PTPRG: variants seen among roughly 807,000 people sequenced by gnomAD.
The protein encoded by PTPRG is protein tyrosine phosphatase receptor type G, also known as receptor-type tyrosine-protein phosphatase gamma.
PTPRG carries 102 observed loss-of-function variants against 165.3 expected under a neutral mutation model. The observed-to-expected ratio is 0.62, with a 90% CI of 0.53 to 0.73. PTPRG has a LOEUF of 0.73. PTPRG is among the 30% of genes least tolerant of loss of function. PTPRG has a pLI of 0.00. For missense variants in PTPRG, 1,866 were observed against 1,861.4 expected (o/e 1.00, Z -0.05); for synonymous variants, 675 against 669.5 (o/e 1.01, Z -0.13).
intron 2 of PTPRG, among the ~76,000 whole-genome samples, chr3:61,854,553 T>C (rs953250856): frequency 6.6e-6 from 1 of 152,198 alleles, no homozygotes; most frequent in Non-Finnish European, 1.5e-5. Context: ...TATGAATACA[T>C]GCTTTTTAAA....
rs1336936899 is a variant in PTPRG, at chr3:62,213,171, G to A, written c.2156-5680G>A. ...CTCCTGACAGAGGGGAGCATCTAGTGTTACTAAACTGTCAGAATTGTTGTT... is the reference window on the plus strand; with the variant it reads ...CTCCTGACAGAGGGGAGCATCTAGTATTACTAAACTGTCAGAATTGTTGTT... On this transcript the variant is annotated intron_variant, in intron 12 of 29. Transcript: ENST00000474889. The surrounding 1 kb of genome is among the most constrained non-coding windows in gnomAD (Gnocchi z 4.4). Among the ~76,000 whole-genome samples, 1 of 152,164 alleles carries A rather than the reference G, an allele frequency of 6.6e-6. No homozygotes were observed. The highest frequency in any genetic ancestry group is 1.5e-5 in the Non-Finnish European group (1 of 68,026).
chr3:61,982,262 G>T (rs547206371), intron 2 of PTPRG, among the ~76,000 whole-genome samples: 1 of 152,290 alleles, frequency 6.6e-6, no homozygotes, highest in Admixed American at 6.5e-5. Context: ...AACTTTGTTA[G>T]TATCTCAGAT....
At chr3:61,678,444 C>T (rs1421233033) in intron 1 of PTPRG, among the ~76,000 whole-genome samples, 5 of 152,080 alleles carry the variant, frequency 3.3e-5, no homozygotes, top group Non-Finnish European at 4.4e-5. Context: ...TCGGAGGAGT[C>T]GGGTGGGGCT....
intron 1 of PTPRG, among the ~76,000 whole-genome samples, chr3:61,715,952 C>T (rs1269824972): frequency 6.6e-6 from 1 of 151,772 alleles, no homozygotes; most frequent in African/African-American, 2.4e-5. Flanking sequence ...AGTCAGTACT[C>T]ACTGCTTTGT....
At chr3:61,975,128 A>G (rs997039110) in intron 2 of PTPRG, among the ~76,000 whole-genome samples, 6 of 152,216 alleles carry the variant, frequency 3.9e-5, no homozygotes, top group Admixed American at 1.3e-4. Context: ...CAAATAAGGT[A>G]ATCTGTGGAC....
rs147877929 is a variant in PTPRG, at chr3:62,278,281, AT to A, written c.3765+611del. ...ATTGTATCAAAAGTACTAATAGTGAATTTTTTTTTCCCACTCCATAGGCAAG... is the reference window on the plus strand; with the variant it reads ...ATTGTATCAAAAGTACTAATAGTGAATTTTTTTTCCCACTCCATAGGCAAG... On this transcript the variant is annotated intron_variant, in intron 26 of 29. Coordinates refer to ENST00000474889, the MANE Select transcript of PTPRG (RefSeq NM_002841.4). Among the ~76,000 whole-genome samples, 5 of 150,030 alleles carry A rather than the reference AT, an allele frequency of 3.3e-5. No homozygotes were observed. In the East Asian group the frequency reaches 5.8e-4, roughly 17 times the overall value.
chr3:62,061,747 G>C (rs1479373934), intron 4 of PTPRG, among the ~76,000 whole-genome samples: 1 of 150,700 alleles, frequency 6.6e-6, no homozygotes, highest in Non-Finnish European at 1.5e-5. Flanking sequence ...TCCTGCCTCA[G>C]CCTCCTGGGT....
In PTPRG at chr3:62,228,320, A is replaced by G. The variant is rs1700812720; in HGVS notation, c.2289-2905A>G. Among the ~76,000 whole-genome samples, 1 of 152,160 alleles carries G rather than the reference A, an allele frequency of 6.6e-6. No individual in the cohort carries two copies. The highest frequency in any genetic ancestry group is 2.4e-5 in the African/African-American group (1 of 41,426). On this transcript the variant is annotated intron_variant, in intron 13 of 29. Transcript: ENST00000474889. The surrounding 1 kb of genome is among the most constrained non-coding windows in gnomAD (Gnocchi z 4.1). ...GGTGGATCACGAGGTCAGGAGTTCA[A>G]GAACAGCCTGGCCAAAATGGTGAAA...
intron 2 of PTPRG, among the ~76,000 whole-genome samples, chr3:61,982,090 G>A (rs980736904): frequency 5.3e-5 from 8 of 152,060 alleles, no homozygotes; most frequent in Non-Finnish European, 1.2e-4. Flanking sequence ...TTTCTATTAT[G>A]TCTCGATGGA....
chr3:62,012,273 A>G (rs954082357), intron 4 of PTPRG, among the ~76,000 whole-genome samples: 2 of 152,186 alleles, frequency 1.3e-5, no homozygotes, highest in Admixed American at 6.5e-5. Context: ...CTGGGCTCGA[A>G]TATCTCCAAC....
At chr3:61,645,242 A>C (rs921177598) in intron 1 of PTPRG, among the ~76,000 whole-genome samples, 1 of 152,232 alleles carries the variant, frequency 6.6e-6, no homozygotes, top group African/African-American at 2.4e-5. Context: ...AGCCACAGAA[A>C]ATAAAAGCTC....
intron 2 of PTPRG, among the ~76,000 whole-genome samples, chr3:61,797,264 C>T (rs991997368): frequency 6.6e-6 from 1 of 152,140 alleles, no homozygotes; most frequent in Admixed American, 6.5e-5. Flanking sequence ...TTTAATATCT[C>T]TGAAATCGGA....
At chr3:61,947,744 C>CG (rs2039797276) in intron 2 of PTPRG, among the ~76,000 whole-genome samples, 1 of 152,152 alleles carries the variant, frequency 6.6e-6, no homozygotes, top group Non-Finnish European at 1.5e-5. Context: ...CTTATAGTTG[C>CG]AATGCCAAAG....
intron 2 of PTPRG, among the ~76,000 whole-genome samples, chr3:61,819,836 C>T (rs907383222): frequency 1.3e-5 from 2 of 152,020 alleles, no homozygotes; most frequent in African/African-American, 2.4e-5. Flanking sequence ...TTAAGGAATA[C>T]CTTGATTTAT....
At chr3:61,662,076 C>A (rs533806669) in intron 1 of PTPRG, among the ~76,000 whole-genome samples, 200 of 152,282 alleles carry the variant, frequency 1.3e-3, no homozygotes, top group African/African-American at 4.6e-3. Context: ...TTAATTAACC[C>A]AAGTTCTCCT....
At chr3:61,746,567 C>T (rs534657967) in intron 1 of PTPRG, among the ~76,000 whole-genome samples, 1 of 151,840 alleles carries the variant, frequency 6.6e-6, no homozygotes, top group Non-Finnish European at 1.5e-5. Context: ...TCTGTTAATC[C>T]CTTACTTGGT....
chr3:61,811,355 C>A (rs934680484), intron 2 of PTPRG, among the ~76,000 whole-genome samples: 1 of 152,206 alleles, frequency 6.6e-6, no homozygotes, highest in African/African-American at 2.4e-5. Flanking sequence ...CACCAGTGAG[C>A]AAGAAATAAA....
At chr3:61,653,585 G>GTAAGA (rs1317960734) in intron 1 of PTPRG, among the ~76,000 whole-genome samples, 2 of 152,086 alleles carry the variant, frequency 1.3e-5, no homozygotes, top group African/African-American at 2.4e-5. Context: ...GCTGATCCCT[G>GTAAGA]TCCTCATGGA....
chr3:61,820,601 C>CTTTTTTTTTTTTTTTTT (rs2035921425), intron 2 of PTPRG, among the ~76,000 whole-genome samples: 1 of 98,670 alleles, frequency 1.0e-5, no homozygotes, highest in South Asian at 3.8e-4. Context: ...TCCTGTGTCT[C>CTTTTTTTTTTTTTTTTT]TGTTTTTTTT....
Sources: gnomAD v4.1 joint callset for allele counts (sites outside exome capture counted in the v4.1 genomes callset) on GRCh38, gnomAD v4.1.1 for gene constraint, Gnocchi (gnomAD v3.1) non-coding constraint, MANE v1.5 for transcripts, NCBI Gene and HGNC (gene_info 2026-07-23, HGNC 2026-07-21) for gene names.